Variants in PDE1A observed in about 807,000 individuals in gnomAD.
PDE1A encodes the protein dual specificity calcium/calmodulin-dependent 3',5'-cyclic nucleotide phosphodiesterase 1A.
In PDE1A, 35 loss-of-function variants were observed where a neutral mutation model predicts 61.7. That is an observed-to-expected ratio of 0.57 (90% CI 0.43 to 0.75). The LOEUF is 0.75. Among genes scored for constraint, PDE1A ranks in the 30% least tolerant of loss-of-function variants. The probability of loss-of-function intolerance (pLI) is 0.00; values close to 1 mark genes in which losing one functional copy is unlikely to be tolerated. For missense variants in PDE1A, 597 were observed against 630.6 expected, an observed-to-expected ratio of 0.95 and a Z score of 0.57; for synonymous variants, 232 against 213.2, an observed-to-expected ratio of 1.09 and a Z score of -0.77.
the PDE1A span, among the ~76,000 whole-genome samples, chr2:182,549,790 T>C: frequency 6.6e-6 from 1 of 152,156 alleles, no homozygotes; most frequent in Non-Finnish European, 1.5e-5. Context: ...TGTGTATATG[T>C]TTATATTACT....
At chr2:182,477,829 C>A (rs1687465278) in intron 2 of PDE1A, among the ~76,000 whole-genome samples, 1 of 151,950 alleles carries the variant, frequency 6.6e-6, no homozygotes, top group African/African-American at 2.4e-5. Flanking sequence ...ATGCTTTTGA[C>A]AGAAGCTGTA....
At chr2:182,663,776 A>C in the PDE1A span, among the ~76,000 whole-genome samples, 1 of 152,114 alleles carries the variant, frequency 6.6e-6, no homozygotes, top group Non-Finnish European at 1.5e-5. Context: ...CCCGCATGAC[A>C]CAAGTTTACC....
At chr2:182,336,196 G>A (rs1183874874) in intron 1 of PDE1A, among the ~76,000 whole-genome samples, 1 of 152,154 alleles carries the variant, frequency 6.6e-6, no homozygotes, top group African/African-American at 2.4e-5. Flanking sequence ...CAACCATTGT[G>A]GAAGACAGTA....
intron 13 of PDE1A, among the ~76,000 whole-genome samples, chr2:182,157,333 C>T (rs1290065671): frequency 6.6e-6 from 1 of 151,946 alleles, no homozygotes; most frequent in African/African-American, 2.4e-5. Flanking sequence ...TGAATTGTGA[C>T]TCTCCATCCT....
intron 13 of PDE1A, among the ~76,000 whole-genome samples, chr2:182,152,930 G>T (rs1690872147): frequency 6.6e-6 from 1 of 152,122 alleles, no homozygotes; most frequent in African/African-American, 2.4e-5. Flanking sequence ...ACCTTAAAGT[G>T]TTACATAAGA....
chr2:182,604,892 A>C, the PDE1A span, among the ~76,000 whole-genome samples: 1 of 152,120 alleles, frequency 6.6e-6, no homozygotes, highest in Admixed American at 6.6e-5. Context: ...GTACTCTCAA[A>C]GAGTTTTTTC....
intron 4 of PDE1A, among the ~76,000 whole-genome samples, chr2:182,233,907 G>C (rs1012867815): frequency 6.6e-6 from 1 of 151,780 alleles, no homozygotes; most frequent in South Asian, 2.1e-4. Flanking sequence ...TTGGGCCTTA[G>C]AATAGTGTAG....
chr2:182,294,914 A>G (rs1694773020), intron 1 of PDE1A, among the ~76,000 whole-genome samples: 1 of 152,118 alleles, frequency 6.6e-6, no homozygotes, highest in South Asian at 2.1e-4. Flanking sequence ...ATGCCAGGAA[A>G]GAGAAACCTT....
At chr2:182,386,603 G>A (rs1375707128) in intron 1 of PDE1A, among the ~76,000 whole-genome samples, 7 of 149,348 alleles carry the variant, frequency 4.7e-5, no homozygotes, top group South Asian at 4.2e-4. Flanking sequence ...GAGCCCCTCC[G>A]CCCAGCAGCC....
intron 2 of PDE1A, among the ~76,000 whole-genome samples, chr2:182,509,652 G>A (rs1427227469): frequency 1.3e-5 from 2 of 152,142 alleles, no homozygotes; most frequent in Admixed American, 6.5e-5. Context: ...GAGCCATACA[G>A]ATAAAAAGTA....
chr2:182,279,177 A>G (rs901190866), intron 1 of PDE1A, among the ~76,000 whole-genome samples: 1 of 151,992 alleles, frequency 6.6e-6, no homozygotes, highest in Non-Finnish European at 1.5e-5. Context: ...TATGTAGGCA[A>G]TGAATATTCA....
chr2:182,455,562 G>A (rs1483069316), intron 2 of PDE1A, among the ~76,000 whole-genome samples: 2 of 152,070 alleles, frequency 1.3e-5, no homozygotes, highest in African/African-American at 4.8e-5. Context: ...ATACACCATG[G>A]AACACTATGC....
At chr2:182,573,412 A>C in the PDE1A span, among the ~76,000 whole-genome samples, 1 of 152,176 alleles carries the variant, frequency 6.6e-6, no homozygotes, top group African/African-American at 2.4e-5. Flanking sequence ...AAAATACAGA[A>C]TGTGGGACAT....
chr2:182,496,254 T>C (rs753273255), intron 2 of PDE1A, among the ~76,000 whole-genome samples: 1 of 151,370 alleles, frequency 6.6e-6, no homozygotes, highest in Non-Finnish European at 1.5e-5. Flanking sequence ...CAAAATATTG[T>C]CCAGCATTTA....
chr2:182,584,844 A>G, the PDE1A span, among the ~76,000 whole-genome samples: 1 of 152,166 alleles, frequency 6.6e-6, no homozygotes, highest in Non-Finnish European at 1.5e-5. Context: ...ACAGGAGGAA[A>G]ACCCACCCCA....
chr2:182,535,222 T>C, the PDE1A span, among the ~76,000 whole-genome samples: 1 of 152,066 alleles, frequency 6.6e-6, no homozygotes, highest in Non-Finnish European at 1.5e-5. Flanking sequence ...TATTTTGAAG[T>C]GCTTTTTCCA....
rs551209769 is a variant in PDE1A at position 182,351,532 on chromosome 2, T to C, written c.53+75046A>G. Among the ~76,000 whole-genome samples the C allele has an allele frequency of 2.6e-5, 4 of 152,294 alleles. No homozygotes were observed. The South Asian group carries it at 6.2e-4, about 24-fold the overall frequency. Reference sequence around the variant, plus strand: ...TAGAGTATCAACACTGAAGAAAACATTGAATAAGAGATGAAAATATTCCGA... The same window carrying C: ...TAGAGTATCAACACTGAAGAAAACACTGAATAAGAGATGAAAATATTCCGA... On this transcript the variant is annotated intron_variant, in intron 1 of 13. Transcript: ENST00000351439.
chr2:182,282,651 A>G (rs1248362570), intron 1 of PDE1A, among the ~76,000 whole-genome samples: 1 of 152,010 alleles, frequency 6.6e-6, no homozygotes, highest in Non-Finnish European at 1.5e-5. Context: ...GAGTACCTAT[A>G]TATAATTCCA....
At chr2:182,573,958 T>C in the PDE1A span, among the ~76,000 whole-genome samples, 2 of 112,084 alleles carry the variant, frequency 1.8e-5, no homozygotes, top group Admixed American at 1.0e-4. Flanking sequence ...TATATATATT[T>C]ATATATTTTT....
Sources: gnomAD v4.1 joint callset for allele counts (sites outside exome capture counted in the v4.1 genomes callset) on GRCh38, gnomAD v4.1.1 for gene constraint, MANE v1.5 for transcripts, NCBI Gene and HGNC (gene_info 2026-07-23, HGNC 2026-07-21) for gene names.